The following CTNNA3 variants were observed in gnomAD, a reference collection of about 807,000 sequenced individuals.
CTNNA3 encodes catenin alpha-3.
A neutral mutation model predicts 95.7 loss-of-function variants in CTNNA3; 76 were observed. The ratio of observed to expected loss-of-function variants is 0.79; its 90% CI spans 0.66 to 0.96. CTNNA3 has a LOEUF of 0.96. Ranked by LOEUF, CTNNA3 falls within the 40% of genes least tolerant of loss-of-function variation. The pLI is 0.00. For synonymous variants in CTNNA3, 431 were observed against 374.4 expected (o/e 1.15, Z -1.74); for missense variants, 1,191 against 1,089.8 (o/e 1.09, Z -1.31).
intron 7 of CTNNA3, among the ~76,000 whole-genome samples, chr10:66,846,249 C>G (rs1178123085): frequency 6.6e-6 from 1 of 152,102 alleles, no homozygotes; most frequent in Non-Finnish European, 1.5e-5. Context: ...TACGTAAAAT[C>G]TAAAAAGTCA....
intron 1 of CTNNA3, among the ~76,000 whole-genome samples, chr10:67,725,454 G>C (rs1021206662): frequency 6.6e-6 from 1 of 152,262 alleles, no homozygotes; most frequent in African/African-American, 2.4e-5. Flanking sequence ...TGGGATTAAA[G>C]GGGTGAGCCA....
chr10:67,495,595 A>G (rs1238693566), intron 5 of CTNNA3, among the ~76,000 whole-genome samples: 3 of 151,596 alleles, frequency 2.0e-5, no homozygotes. Context: ...TTCCTATCCA[A>G]CTCTCCTCTT....
chr10:67,583,725 T>C (rs1381705374), intron 3 of CTNNA3, among the ~76,000 whole-genome samples: 3 of 152,254 alleles, frequency 2.0e-5, no homozygotes, highest in South Asian at 4.1e-4. Flanking sequence ...TCTTTTCACA[T>C]AGTCCCCTAT....
At chr10:67,230,695 C>G (rs189873969) in intron 5 of CTNNA3, among the ~76,000 whole-genome samples, 2 of 152,316 alleles carry the variant, frequency 1.3e-5, no homozygotes, top group East Asian at 3.9e-4. Flanking sequence ...ATAGGAACAG[C>G]TCGGTCTACA....
rs535470315 is a variant in CTNNA3, at chr10:66,631,111, G to T, written c.1282-9327C>A. Among the ~76,000 whole-genome samples the T allele has an allele frequency of 4.6e-5, 7 of 152,212 alleles. No individual in the cohort carries two copies. The South Asian group carries it at 1.5e-3, about 32-fold the overall frequency. On this transcript the variant is annotated intron_variant, in intron 9 of 17. Transcript: ENST00000433211. ...TTACTTAGGAAATTCATATTCTCTT[G>T]AACTTTGCATCTCAAGCTGCTTCCC...
chr10:66,374,768 C>T (rs1323383723), intron 12 of CTNNA3, among the ~76,000 whole-genome samples: 2 of 151,964 alleles, frequency 1.3e-5, no homozygotes, highest in Non-Finnish European at 2.9e-5. Context: ...GCACATGCTA[C>T]AACACCCATC....
intron 13 of CTNNA3, among the ~76,000 whole-genome samples, chr10:66,133,036 C>A (rs1172690409): frequency 6.6e-6 from 1 of 151,404 alleles, no homozygotes; most frequent in Non-Finnish European, 1.5e-5. Flanking sequence ...GTACAAGTAC[C>A]CCAGCACCTA....
intron 13 of CTNNA3, among the ~76,000 whole-genome samples, chr10:66,217,346 C>G (rs1278573744): frequency 2.6e-5 from 3 of 113,394 alleles, no homozygotes; most frequent in Non-Finnish European, 5.5e-5. Context: ...GAGCGAGACT[C>G]TATCTCAAAA....
intron 12 of CTNNA3, among the ~76,000 whole-genome samples, chr10:66,339,933 T>C (rs889748640): frequency 6.6e-6 from 1 of 151,816 alleles, no homozygotes; most frequent in African/African-American, 2.4e-5. Context: ...TAGAATCCCA[T>C]GGATCTCATC....
At chr10:67,543,207 C>A (rs2133210189) in intron 3 of CTNNA3, among the ~76,000 whole-genome samples, 1 of 151,818 alleles carries the variant, frequency 6.6e-6, no homozygotes, top group Admixed American at 6.6e-5. Flanking sequence ...TAAAAAAAAT[C>A]AGTTATGAAA....
At chr10:66,119,746 A>AT (rs34159475) in intron 13 of CTNNA3, among the ~76,000 whole-genome samples, 22,848 of 151,902 alleles carry the variant, frequency 0.15, 2,154 homozygotes, top group Middle Eastern at 0.22. Flanking sequence ...TATTCAATCA[A>AT]TTTTTTTTAT....
chr10:66,239,920 T>C (rs1013744192), intron 13 of CTNNA3, among the ~76,000 whole-genome samples: 6 of 151,926 alleles, frequency 3.9e-5, no homozygotes, highest in African/African-American at 1.4e-4. Context: ...AACACTAAAG[T>C]AGAAAACTCT....
At chr10:67,167,375 G>A (rs1476844328) in intron 7 of CTNNA3, among the ~76,000 whole-genome samples, 10 of 152,108 alleles carry the variant, frequency 6.6e-5, no homozygotes, top group Admixed American at 6.6e-4. Context: ...TGTAGGCTGG[G>A]CTTCATACAG....
At chr10:66,297,912 A>G (rs961247841) in intron 12 of CTNNA3, among the ~76,000 whole-genome samples, 7 of 152,214 alleles carry the variant, frequency 4.6e-5, no homozygotes, top group Admixed American at 2.0e-4. Flanking sequence ...TTGAAAGCAG[A>G]TGAGTATAAT....
intron 5 of CTNNA3, among the ~76,000 whole-genome samples, chr10:67,279,699 T>C (rs1258209640): frequency 6.6e-6 from 1 of 150,442 alleles, no homozygotes; most frequent in African/African-American, 2.5e-5. Context: ...GCTTAACTTT[T>C]TCCTTTTGGC....
chr10:67,655,469 G>A (rs1193280849), intron 1 of CTNNA3, among the ~76,000 whole-genome samples: 1 of 152,172 alleles, frequency 6.6e-6, no homozygotes. Context: ...TTATAAAAGA[G>A]TATTTTAAAA....
chr10:66,650,954 C>G (rs4745906), intron 9 of CTNNA3, among the ~76,000 whole-genome samples: 100,288 of 152,082 alleles, frequency 0.66, 33,968 homozygotes, highest in East Asian at 0.95. Flanking sequence ...CGGGCAGCCT[C>G]CTTTTATTCC....
chr10:66,115,563 TA>T (rs372879585), intron 13 of CTNNA3, among the ~76,000 whole-genome samples: 124 of 138,768 alleles, frequency 8.9e-4, no homozygotes, highest in South Asian at 5.7e-3. Context: ...GATAGATAGA[TA>T]GATAGACAGA....
chr10:66,615,646 G>A (rs1844484108), intron 10 of CTNNA3, among the ~76,000 whole-genome samples: 1 of 151,646 alleles, frequency 6.6e-6, no homozygotes, highest in Non-Finnish European at 1.5e-5. Flanking sequence ...ATATAAAGTA[G>A]TAAATATAAA....
Sources: gnomAD v4.1 joint callset for allele counts (sites outside exome capture counted in the v4.1 genomes callset) on GRCh38, gnomAD v4.1.1 for gene constraint, MANE v1.5 for transcripts, NCBI Gene and HGNC (gene_info 2026-07-23, HGNC 2026-07-21) for gene names.